Variants in DRD3 observed in about 807,000 individuals in gnomAD.
DRD3 encodes the protein D(3) dopamine receptor.
Under a neutral mutation model 36.3 loss-of-function variants are expected in DRD3, and 19 were observed. The ratio of observed to expected loss-of-function variants is 0.52; its 90% CI spans 0.36 to 0.77. The LOEUF (loss-of-function observed/expected upper bound fraction) is 0.77, where lower values mean the gene tolerates loss of function less well. DRD3 is among the 30% of genes least tolerant of loss of function. The pLI, the probability that DRD3 is intolerant of heterozygous loss-of-function variation, is 0.00. For synonymous variants in DRD3, 195 were observed against 203.7 expected (o/e 0.96, Z 0.36); for missense variants, 465 against 505.3 (o/e 0.92, Z 0.77).
intron 3 of DRD3, among the ~76,000 whole-genome samples, chr3:114,155,673 G>A (rs150660757): frequency 1.3e-5 from 2 of 152,156 alleles, no homozygotes; most frequent in Non-Finnish European, 2.9e-5. Flanking sequence ...CCACACCCTT[G>A]CGCAGGGAAC....
upstream of DRD3, among the ~76,000 whole-genome samples, chr3:114,182,886 G>A (rs569869646): frequency 6.6e-6 from 1 of 152,208 alleles, no homozygotes; most frequent in East Asian, 1.9e-4. Context: ...TTGCTTTTCT[G>A]TTCATCTATG....
intron 1 of DRD3, among the ~76,000 whole-genome samples, chr3:114,190,569 C>A (rs2078005941): frequency 7.1e-6 from 1 of 140,590 alleles, no homozygotes; most frequent in Admixed American, 7.3e-5. Context: ...CCATGTGGAC[C>A]TGAGGAAGTG....
At chr3:114,176,645 A>G (rs1016819942) in intron 1 of DRD3, among the ~76,000 whole-genome samples, 1 of 151,992 alleles carries the variant, frequency 6.6e-6, no homozygotes, top group Admixed American at 6.6e-5. Context: ...TCCCGAGTTG[A>G]GATGGATTTT....
intron 1 of DRD3, among the ~76,000 whole-genome samples, chr3:114,196,453 C>T (rs1052250896): frequency 6.6e-5 from 10 of 152,060 alleles, no homozygotes; most frequent in Admixed American, 2.0e-4. Flanking sequence ...TAGCTGGGAC[C>T]ACATGCTCAC....
chr3:114,144,778 T>C (rs1203337432), intron 4 of DRD3, among the ~76,000 whole-genome samples: 1 of 152,018 alleles, frequency 6.6e-6, no homozygotes, highest in Admixed American at 6.6e-5. Flanking sequence ...CTTGCTAGAG[T>C]GCTATTAATA....
chr3:114,183,630 A>T (rs2077959643), upstream of DRD3, among the ~76,000 whole-genome samples: 1 of 151,932 alleles, frequency 6.6e-6, no homozygotes, highest in Admixed American at 6.6e-5. Flanking sequence ...TAATGTTTAA[A>T]ATTGCTCTAT....
intron 1 of DRD3, among the ~76,000 whole-genome samples, chr3:114,197,369 C>A (rs2078043574): frequency 6.7e-6 from 1 of 149,158 alleles, no homozygotes; most frequent in South Asian, 2.1e-4. Context: ...AATCTCCCCA[C>A]CTCAGACTCC....
intron 1 of DRD3, among the ~76,000 whole-genome samples, chr3:114,194,476 T>A (rs2078026861): frequency 6.6e-6 from 1 of 151,824 alleles, no homozygotes; most frequent in Non-Finnish European, 1.5e-5. Context: ...AGAGACGGGG[T>A]TTTACCATGT....
At position 114,193,924 on chromosome 3, in the gene DRD3, G is replaced by T. The variant is rs1021187394; in HGVS notation, c.-156+5349C>A. 4.6e-5 allele frequency among the ~76,000 whole-genome samples: 7 copies of T among 152,082 alleles called. No homozygotes were observed. The East Asian group carries it at 1.3e-3, about 29-fold the overall frequency. On this transcript the variant is annotated intron_variant, in intron 1 of 7. Coordinates refer to the DRD3 transcript ENST00000460779. Reference sequence around the variant, plus strand: ...TCATTCACTGAGTAGATATAACTTAGATTTTCCTGTTTCCTTATTCCTTTG... The same window carrying T: ...TCATTCACTGAGTAGATATAACTTATATTTTCCTGTTTCCTTATTCCTTTG...
chr3:114,131,045 A>G, intron 6 of DRD3, 73 bp downstream of exon 6: 2 of 1,520,464 alleles, frequency 1.3e-6, no homozygotes, highest in Admixed American at 2.0e-5. Flanking sequence ...TTCCGATAGC[A>G]TCTTCTACCA....
intron 1 of DRD3, among the ~76,000 whole-genome samples, chr3:114,172,244 T>C (rs1173217829): frequency 6.6e-6 from 1 of 152,092 alleles, no homozygotes; most frequent in Non-Finnish European, 1.5e-5. Context: ...AGACAGATAA[T>C]AAACAAGATA....
intron 1 of DRD3, among the ~76,000 whole-genome samples, chr3:114,193,290 GACAACAACAACAACA>G (rs201054154): frequency 8.0e-6 from 1 of 125,616 alleles, no homozygotes; most frequent in Non-Finnish European, 1.8e-5. Context: ...AAACAACAAC[GACAACAACAACAACA>G]ACAACAACAA....
intron 1 of DRD3, among the ~76,000 whole-genome samples, chr3:114,191,530 TAAGTGGGATGG>T (rs1200751064): frequency 1.3e-5 from 2 of 152,206 alleles, no homozygotes; most frequent in African/African-American, 2.4e-5. Flanking sequence ...CATTTTATTC[TAAGTGGGATGG>T]AAGCCCTTTG....
intron 5 of DRD3, among the ~76,000 whole-genome samples, chr3:114,133,448 C>T (rs955486758): frequency 1.3e-5 from 2 of 151,576 alleles, no homozygotes; most frequent in Admixed American, 1.3e-4. Flanking sequence ...CTGAGGCTGC[C>T]TGATGGCTAC....
rs2077563527 is a variant in DRD3 at position 114,145,609 on chromosome 3, T to G, written c.526+1806A>C. ...ATGTTATCCCAATTTAATCCTCATTTAATGGCAAAAATCTCTCTGAAGAAG... is the reference window on the plus strand; with the variant it reads ...ATGTTATCCCAATTTAATCCTCATTGAATGGCAAAAATCTCTCTGAAGAAG... On this transcript the variant is annotated intron_variant, in intron 4 of 6. Transcript: ENST00000383673. 5.9e-5 allele frequency among the ~76,000 whole-genome samples: 9 copies of G among 152,216 alleles called. No homozygotes were observed. In the South Asian group the frequency reaches 1.9e-3, roughly 32 times the overall value.
At chr3:114,163,755 T>A (rs933912209) in intron 2 of DRD3, among the ~76,000 whole-genome samples, 23 of 152,240 alleles carry the variant, frequency 1.5e-4, no homozygotes, top group Admixed American at 1.4e-3. Context: ...GATCTCAGAA[T>A]ACAATGTGTG....
chr3:114,180,454 G>T (rs2107897184), upstream of DRD3, among the ~76,000 whole-genome samples: 1 of 152,202 alleles, frequency 6.6e-6, no homozygotes, highest in Admixed American at 6.5e-5. Flanking sequence ...ATAAGAAAAA[G>T]AAGAGGCACC....
intron 1 of DRD3, among the ~76,000 whole-genome samples, chr3:114,189,739 C>T (rs1042658007): frequency 6.6e-6 from 1 of 152,180 alleles, no homozygotes; most frequent in Admixed American, 6.5e-5. Flanking sequence ...GGCTTCATAC[C>T]TTTCTAGTAC....
chr3:114,181,105 C>G (rs776065174), upstream of DRD3, among the ~76,000 whole-genome samples: 11 of 152,206 alleles, frequency 7.2e-5, no homozygotes, highest in East Asian at 1.9e-4. Flanking sequence ...CACATATTCT[C>G]TCTTCAAGGG....
Sources: gnomAD v4.1 joint callset for allele counts (sites outside exome capture counted in the v4.1 genomes callset) on GRCh38, gnomAD v4.1.1 for gene constraint, MANE v1.5 for transcripts, NCBI Gene and HGNC (gene_info 2026-07-23, HGNC 2026-07-21) for gene names.